Variants in ADGRL3 observed in about 807,000 individuals in gnomAD.
ADGRL3 encodes the protein calcium-independent alpha-latrotoxin receptor 3.
Under a neutral mutation model 153.5 loss-of-function variants are expected in ADGRL3, and 62 were observed. The ratio of observed to expected loss-of-function variants is 0.40; its 90% confidence interval spans 0.33 to 0.50. The LOEUF is 0.50. Among genes scored for constraint, ADGRL3 ranks in the 20% least tolerant of loss-of-function variants. The pLI, the probability that ADGRL3 is intolerant of heterozygous loss-of-function variation, is 0.47. For synonymous variants in ADGRL3, 710 were observed against 672.5 expected (o/e 1.06, Z -0.86); for missense variants, 1,641 against 1,859.4 (o/e 0.88, Z 2.16).
intron 2 of ADGRL3, among the ~76,000 whole-genome samples, chr4:61,473,611 GA>G (rs2097999023): frequency 1.3e-5 from 2 of 151,802 alleles, no homozygotes; most frequent in Admixed American, 6.6e-5. Flanking sequence ...AAATGAGGAG[GA>G]AAAAAACCAA....
intron 5 of ADGRL3, 125 bp from the exon 6 acceptor site, chr4:61,676,700 GC>G: frequency 1.4e-6 from 1 of 691,244 alleles, no homozygotes; most frequent in East Asian, 2.5e-5. Context: ...TAGGCCTAAA[GC>G]CCCAAATTAA....
At chr4:61,485,395 T>C (rs1387904511) in intron 2 of ADGRL3, among the ~76,000 whole-genome samples, 2 of 152,218 alleles carry the variant, frequency 1.3e-5, no homozygotes, top group African/African-American at 4.8e-5. Context: ...TTTTCTGCTA[T>C]AGATGTATTT....
At chr4:61,467,153 T>C (rs567556409) in intron 2 of ADGRL3, among the ~76,000 whole-genome samples, 3 of 152,250 alleles carry the variant, frequency 2.0e-5, no homozygotes, top group East Asian at 3.9e-4. Flanking sequence ...TGTAAACAAC[T>C]AATTATAATA....
intron 9 of ADGRL3, among the ~76,000 whole-genome samples, chr4:61,864,847 C>G (rs1225102281): frequency 6.6e-6 from 1 of 152,094 alleles, no homozygotes; most frequent in African/African-American, 2.4e-5. Flanking sequence ...TTTTGGAAAA[C>G]AGGTAAAATT....
intron 5 of ADGRL3, among the ~76,000 whole-genome samples, chr4:61,656,854 G>A (rs2150494008): frequency 6.6e-6 from 1 of 152,130 alleles, no homozygotes; most frequent in Non-Finnish European, 1.5e-5. Flanking sequence ...ATGTCCATTT[G>A]GACATTTCAG....
intron 1 of ADGRL3, among the ~76,000 whole-genome samples, chr4:61,369,231 T>C (rs1434150837): frequency 6.6e-6 from 1 of 152,190 alleles, no homozygotes; most frequent in Non-Finnish European, 1.5e-5. Flanking sequence ...TTCTTTCTCC[T>C]GCCTAATTGC....
intron 9 of ADGRL3, among the ~76,000 whole-genome samples, chr4:61,835,935 A>G (rs747873131): frequency 1.1e-4 from 17 of 152,196 alleles, no homozygotes; most frequent in Admixed American, 7.9e-4. Context: ...TAACTGCTCA[A>G]GATAATTTTT....
chr4:61,592,388 A>T (rs898617541), intron 5 of ADGRL3, among the ~76,000 whole-genome samples: 1 of 152,288 alleles, frequency 6.6e-6, no homozygotes, highest in East Asian at 1.9e-4. Context: ...TCTCTTATAA[A>T]CTATAACAGA....
chr4:61,750,182 TAAA>T (rs60768535), intron 8 of ADGRL3, among the ~76,000 whole-genome samples: 36,411 of 93,068 alleles, frequency 0.39, 6,763 homozygotes, highest in Admixed American at 0.5. Context: ...AGGGGATGGT[TAAA>T]AAAAAAAAAA....
At chr4:61,464,467 G>C (rs1310412221) in intron 2 of ADGRL3, among the ~76,000 whole-genome samples, 2 of 152,002 alleles carry the variant, frequency 1.3e-5, no homozygotes, top group African/African-American at 4.8e-5. Context: ...TTTAACTTTT[G>C]ATCTGTATTG....
chr4:61,424,253 T>A (rs2097249489), intron 2 of ADGRL3, among the ~76,000 whole-genome samples: 1 of 152,154 alleles, frequency 6.6e-6, no homozygotes, highest in South Asian at 2.1e-4. Context: ...CATGGGATTG[T>A]GCACCTGCGC....
intron 24 of ADGRL3, 68 bp from the exon 25 acceptor site, chr4:62,044,385 A>G: frequency 9.6e-7 from 1 of 1,036,456 alleles, no homozygotes; most frequent in Non-Finnish European, 1.5e-6. Context: ...CAGAAAAGAA[A>G]AGAATGATTT....
chr4:62,006,077 C>A (rs2099158177), intron 21 of ADGRL3, among the ~76,000 whole-genome samples: 1 of 133,738 alleles, frequency 7.5e-6, no homozygotes, highest in African/African-American at 2.8e-5. Context: ...GTTGCCCAGG[C>A]TGGAGTGACT....
chr4:61,518,840 A>G (rs971019941), intron 4 of ADGRL3, among the ~76,000 whole-genome samples: 1 of 152,060 alleles, frequency 6.6e-6, no homozygotes, highest in Admixed American at 6.6e-5. Context: ...TTCTTTAAGA[A>G]CTTCCTATTT....
intron 5 of ADGRL3, among the ~76,000 whole-genome samples, chr4:61,649,297 G>C (rs1345465909): frequency 2.0e-5 from 3 of 151,902 alleles, no homozygotes; most frequent in Non-Finnish European, 2.9e-5. Context: ...TCTAGGATTT[G>C]GTATTATATT....
chr4:61,730,796 CAA>C (rs1185604416), intron 7 of ADGRL3, among the ~76,000 whole-genome samples, 160 bp downstream of exon 7: 5 of 151,824 alleles, frequency 3.3e-5, no homozygotes. Flanking sequence ...GTATTACTGA[CAA>C]GAGTCACTTT....
rs1177860332 is a variant in ADGRL3 at position 61,621,613 on chromosome 4, A to T, written c.473+34173A>T. 2.0e-5 allele frequency among the ~76,000 whole-genome samples: 3 copies of T among 152,174 alleles called. No homozygotes were observed. The East Asian group carries it at 5.8e-4, about 29-fold the overall frequency. On this transcript the variant is annotated intron_variant, in intron 5 of 26. Transcript: ENST00000683033. The stretch of plus-strand genomic sequence containing the variant: ...TAAAAAATACTATAATCTTAATATT[A>T]GTGAAAATCTTTGTAAATAACTGTT...
intron 25 of ADGRL3, among the ~76,000 whole-genome samples, chr4:62,057,990 T>C (rs2151830429): frequency 6.6e-6 from 1 of 152,266 alleles, no homozygotes; most frequent in East Asian, 1.9e-4. Flanking sequence ...GATACACATA[T>C]GTTGTAATTG....
chr4:61,569,086 G>A (rs1310190494), intron 4 of ADGRL3, among the ~76,000 whole-genome samples: 1 of 152,036 alleles, frequency 6.6e-6, no homozygotes, highest in East Asian at 1.9e-4. Context: ...GGGTGGGAGT[G>A]GGGCCGGAGA....
Sources: allele counts gnomAD v4.1 joint callset (sites outside exome capture counted in the v4.1 genomes callset), GRCh38; gene constraint gnomAD v4.1.1; transcripts MANE v1.5; gene names NCBI Gene and HGNC (gene_info 2026-07-23, HGNC 2026-07-21).